The following MEAK7 variants were observed in gnomAD, a reference collection of about 807,000 sequenced individuals.
MEAK7 encodes the protein MTOR-associated protein MEAK7.
MEAK7 carries 68 observed loss-of-function variants against 40.5 expected under a neutral mutation model. The observed-to-expected ratio is 1.68, with a 90% CI of 1.38 to 2.06. The LOEUF (loss-of-function observed/expected upper bound fraction) is 2.06. Ranked by LOEUF, MEAK7 falls within the 30% of genes most tolerant of loss-of-function variation. The probability of loss-of-function intolerance (pLI) is 0.00; values close to 1 mark genes in which losing one functional copy is unlikely to be tolerated. For missense variants in MEAK7, 918 were observed against 580.5 expected (o/e 1.58, Z -5.98); for synonymous variants, 338 against 231.9 (o/e 1.46, Z -4.16).
Position 84,495,822 on chromosome 16 carries a change from G to C in MEAK7, c.245C>G (p.Pro82Arg), listed in dbSNP as rs1209105122. The change falls in exon 3 of 8, where the codon CCC becomes CGC. Residue 82 changes from proline to arginine, a missense_variant. Coordinates refer to ENST00000343629, the MANE Select transcript of MEAK7 (RefSeq NM_020947.4). Reference sequence around the variant, plus strand: ...CTGCTCCTGGGACACGTTCTCACTGGGTCCCTTCGCCTTCCCTGTCAGGTC... The same window carrying C: ...CTGCTCCTGGGACACGTTCTCACTGCGTCCCTTCGCCTTCCCTGTCAGGTC... ...RVDLTGKAKG[P>R]SENVSQEQFT... The C allele has an allele frequency of 6.2e-7, 1 of 1,614,032 alleles. No individual in the cohort carries two copies. The highest frequency in any genetic ancestry group is 8.5e-7 in the Non-Finnish European group (1 of 1,180,022).
chr16:84,489,818 G>A (rs1180400986), intron 3 of MEAK7, among the ~76,000 whole-genome samples: 1 of 152,166 alleles, frequency 6.6e-6, no homozygotes, highest in Non-Finnish European at 1.5e-5. Flanking sequence ...AGTTTTACTT[G>A]CTTCCAAAAA....
intron 3 of MEAK7, among the ~76,000 whole-genome samples, chr16:84,491,453 C>T (rs568998829): frequency 1.3e-5 from 2 of 149,546 alleles, no homozygotes; most frequent in African/African-American, 2.5e-5. Flanking sequence ...GCAGGAGAAT[C>T]GCTTGAGCCT....
In MEAK7 at chr16:84,480,539, TC is replaced by T. The variant is rs1275590665; in HGVS notation, c.1246del (p.Glu416ArgfsTer58). 1 of 1,610,922 alleles carries T rather than the reference TC, an allele frequency of 6.2e-7. No individual in the cohort carries two copies. Among genetic ancestry groups the T allele is most frequent in the Non-Finnish European group, 8.5e-7 (1 of 1,178,632 alleles). ...GACAGCTCCACTCACCAACTGCTCC[TC>T]TGAGGGGTCTCCAACCGCCCACACC... ...MEVWAVGDPSEEQLAKGNKSI... is the reference protein window; with the variant it reads ...MEVWAVGDPSXEQLAKGNKSI... On this transcript the variant is annotated frameshift_variant, in exon 7 of 8. Coordinates refer to ENST00000343629, the MANE Select transcript of MEAK7 (RefSeq NM_020947.4). LOFTEE classifies it low-confidence loss of function (END_TRUNC).
At chr16:84,504,113 C>G in intron 1 of MEAK7, 1 of 985,490 alleles carries the variant, frequency 1.0e-6, no homozygotes, top group Non-Finnish European at 1.2e-6. Context: ...TGCTGGCCAC[C>G]TACATGGCCT....
rs1387312288 is a variant in MEAK7 at position 84,500,327 on chromosome 16, G to A, written c.-25-2216C>T. Among the ~76,000 whole-genome samples the A allele has an allele frequency of 2.0e-5, 3 of 152,176 alleles. No individual in the cohort carries two copies. The East Asian group carries it at 5.8e-4, about 29-fold the overall frequency. On this transcript the variant is annotated intron_variant, in intron 1 of 7. Transcript: ENST00000343629. The stretch of plus-strand genomic sequence containing the variant: ...ATTTCCAGTGTCGACACCTAGGAGT[G>A]GACTTGCTGGGTCACATGGTAATTC...
intron 5 of MEAK7, 166 bp downstream of exon 5, chr16:84,486,465 T>C (rs1397926826): frequency 1.4e-6 from 2 of 1,420,022 alleles, no homozygotes; most frequent in Admixed American, 3.0e-5. Context: ...TCTGATGTGA[T>C]AAACACCATA....
intron 3 of MEAK7, among the ~76,000 whole-genome samples, chr16:84,490,650 C>G (rs1913504158): frequency 2.2e-5 from 1 of 45,882 alleles, no homozygotes. Context: ...AAAAGCTAAT[C>G]AAGATGTGTG....
Position 84,479,936 on chromosome 16 carries a change from G to A in MEAK7, c.1348C>T (p.Arg450Trp), listed in dbSNP as rs76242370. The change falls in exon 8 of 8, where the codon CGG (arginine) becomes TGG (tryptophan). Residue 450 changes from arginine to tryptophan, a missense_variant. Transcript: ENST00000343629. ...SGHSRHSEGL[R>W]EVPDDE ...CCTCATTCATCGTCCGGGACTTCCC[G>A]GAGCCCTTCGCTGTGGCGCGAATGC... The A allele has an allele frequency of 2.8e-5, 45 of 1,609,228 alleles. No individual in the cohort carries two copies. Among genetic ancestry groups the A allele is most frequent in the Middle Eastern group, 1.7e-4 (1 of 5,818 alleles).
In MEAK7 at chr16:84,480,604, C is replaced by T. The variant is rs758591379; in HGVS notation, c.1182G>A (p.Gln394=). The part of the protein sequence containing the change: ...KPTCTTYNSP[Q]LSAQENFQFD... ...ACTGGAAGTTCTCCTGAGCCGACAG[C>T]TGCGGGCTGTTGTACGTGGTGCACG... is the stretch of plus-strand genomic sequence containing the variant. Residue 394 remains glutamine, a synonymous_variant, in exon 7 of 8, where the codon CAG becomes CAA. Transcript: ENST00000343629. The T allele has an allele frequency of 1.9e-6, 3 of 1,614,000 alleles. No homozygotes were observed. The highest frequency in any genetic ancestry group is 1.7e-6 in the Non-Finnish European group (2 of 1,179,998).
intron 5 of MEAK7, 194 bp downstream of exon 5, chr16:84,486,437 C>T (rs1018718931): frequency 1.2e-5 from 16 of 1,374,728 alleles, no homozygotes; most frequent in East Asian, 2.7e-5. Flanking sequence ...GGGGGTCACA[C>T]GGCCTGTCCT....
At chr16:84,493,375 G>C (rs935322744) in intron 3 of MEAK7, among the ~76,000 whole-genome samples, 1 of 152,150 alleles carries the variant, frequency 6.6e-6, no homozygotes, top group African/African-American at 2.4e-5. Context: ...TTGTGCTGTT[G>C]GAATAGAAAG....
chr16:84,480,033 AAG>A lies in MEAK7; in HGVS notation c.1258-9_1258-8del. 4 of 1,585,896 alleles carry A rather than the reference AAG, an allele frequency of 2.5e-6. No homozygotes were observed. The highest frequency in any genetic ancestry group is 3.4e-6 in the Non-Finnish European group (4 of 1,160,890). On this transcript the variant is annotated splice_region_variant and splice_polypyrimidine_tract_variant and intron_variant, in intron 7 of 7. Transcript: ENST00000343629. ...TGCTCTTGTTGCCCTTGGCCTTGAG[AAG>A]AGAAGAAAGGGTGGGTGTGTTCCAT...
intron 6 of MEAK7, among the ~76,000 whole-genome samples, chr16:84,481,930 CAAAAAGAAA>C (rs1478235423): frequency 6.6e-6 from 1 of 151,484 alleles, no homozygotes; most frequent in Non-Finnish European, 1.5e-5. Context: ...GACTCCATCT[CAAAAAGAAA>C]AAAAAGAAAA....
Position 84,480,547 on chromosome 16 carries a change from G to T in MEAK7, c.1239C>A (p.Asp413Glu), listed in dbSNP as rs1197423129. 2 of 1,611,974 alleles carry T rather than the reference G, an allele frequency of 1.2e-6. No homozygotes were observed. The highest frequency in any genetic ancestry group is 1.8e-4 in the Middle Eastern group (1 of 5,628). The change falls in exon 7 of 8, where the codon GAC becomes GAA. Residue 413 changes from aspartate (D) to glutamate (E), a missense_variant. Physicochemically the swap from Asp to Glu is conservative, Grantham distance 45. Coordinates refer to ENST00000343629, the MANE Select transcript of MEAK7 (RefSeq NM_020947.4). Reference protein sequence around the residue: ...FDKMEVWAVGDPSEEQLAKGN... With the variant: ...FDKMEVWAVGEPSEEQLAKGN... ...CACTCACCAACTGCTCCTCTGAGGG[G>T]TCTCCAACCGCCCACACCTCCATCT... is the stretch of plus-strand genomic sequence containing the variant.
At chr16:84,495,325 A>G (rs759510663) in intron 3 of MEAK7, among the ~76,000 whole-genome samples, 29 of 152,324 alleles carry the variant, frequency 1.9e-4, no homozygotes, top group Non-Finnish European at 3.1e-4. Context: ...TCACCTGATC[A>G]TATGTAAAGT....
chr16:84,504,405 C>G (rs1230449848), intron 1 of MEAK7, among the ~76,000 whole-genome samples, 196 bp downstream of exon 1: 2 of 152,098 alleles, frequency 1.3e-5, no homozygotes, highest in Admixed American at 1.3e-4. Context: ...CCCTCCATCC[C>G]GCCCCGCTGT....
At chr16:84,499,290 G>A (rs1045693204) in intron 1 of MEAK7, among the ~76,000 whole-genome samples, 5 of 152,188 alleles carry the variant, frequency 3.3e-5, no homozygotes, top group African/African-American at 1.2e-4. Flanking sequence ...TCCTGGCCCT[G>A]GACTTTTTCC....
At position 84,479,888 on chromosome 16, in the gene MEAK7, G is replaced by A. The variant is rs561935296; in HGVS notation, c.*25C>T. 4 of 1,560,826 alleles carry A rather than the reference G, an allele frequency of 2.6e-6. No homozygotes were observed. Among genetic ancestry groups the A allele is most frequent in the East Asian group, 4.6e-5 (2 of 43,740 alleles). On this transcript the variant is annotated 3_prime_UTR_variant, in exon 8 of 8. Coordinates refer to ENST00000343629, the MANE Select transcript of MEAK7 (RefSeq NM_020947.4). The stretch of plus-strand genomic sequence containing the variant: ...TCTACCCAGAGGAATCCAGGTCCTG[G>A]CTCCAGGAAGGCTCAGGCGGCTCCT...
intron 1 of MEAK7, chr16:84,503,903 ACT>A: frequency 1.0e-6 from 1 of 983,264 alleles, no homozygotes; most frequent in Non-Finnish European, 1.2e-6. Flanking sequence ...CCAAGCTCCA[ACT>A]CTCTACTCCA....
Sources: gnomAD v4.1 joint callset for allele counts (sites outside exome capture counted in the v4.1 genomes callset) on GRCh38, gnomAD v4.1.1 for gene constraint, MANE v1.5 for transcripts, NCBI Gene and HGNC (gene_info 2026-07-23, HGNC 2026-07-21) for gene names.